The following PRKACB variants were observed in gnomAD, a reference collection of about 807,000 sequenced individuals.
PRKACB encodes protein kinase cAMP-activated catalytic subunit beta.
Under a neutral mutation model 51.4 loss-of-function variants are expected in PRKACB, and 16 were observed. The ratio of observed to expected loss-of-function variants is 0.31; its 90% CI spans 0.21 to 0.47. The LOEUF is 0.47. Among genes scored for constraint, PRKACB ranks in the 20% least tolerant of loss-of-function variants. PRKACB has a pLI of 1.00. For synonymous variants in PRKACB, 147 were observed against 154.4 expected (o/e 0.95, Z 0.35); for missense variants, 309 against 464.5 (o/e 0.67, Z 3.08).
rs895794519 is a variant in PRKACB, at chr1:84,196,881, G to A, written c.687+139G>A. 5.3e-6 allele frequency: 5 copies of A among 937,874 alleles called. No homozygotes were observed. In the African/African-American group the frequency reaches 8.5e-5, roughly 16 times the overall value. 58.1% of individuals were successfully genotyped at this position (937,874 alleles called of 1,614,324 possible). ...TTTAAGTAGAGCTCAGAGTTTTGCT[G>A]CTATTACAGAGAAGCAAAAATCCTG... is the stretch of plus-strand genomic sequence containing the variant. On this transcript the variant is annotated intron_variant, in intron 6 of 9. Transcript: ENST00000370685.
At chr1:84,165,156 T>G in intron 1 of PRKACB, 1 of 624,428 alleles carries the variant, frequency 1.6e-6, no homozygotes, top group Non-Finnish European at 2.5e-6. Context: ...TTAGGCATTA[T>G]AGTAAATTGC....
chr1:84,194,956 A>T (rs776777968), intron 5 of PRKACB, among the ~76,000 whole-genome samples: 2 of 152,174 alleles, frequency 1.3e-5, no homozygotes, highest in Non-Finnish European at 2.9e-5. Context: ...TATGTAATGT[A>T]TGTGTTCCTC....
intron 1 of PRKACB, among the ~76,000 whole-genome samples, chr1:84,117,542 T>C (rs1650731083): frequency 6.6e-6 from 1 of 152,172 alleles, no homozygotes; most frequent in Non-Finnish European, 1.5e-5. Flanking sequence ...AGTTGTATGT[T>C]TCCAGGAATT....
chr1:84,196,833 A>G, intron 6 of PRKACB, 91 bp downstream of exon 6: 1 of 1,331,026 alleles, frequency 7.5e-7, no homozygotes, highest in South Asian at 1.5e-5. Context: ...ATTTTTTTTG[A>G]AGAAGACACT....
chr1:84,171,126 A>G (rs1659332182), intron 1 of PRKACB, among the ~76,000 whole-genome samples: 2 of 151,556 alleles, frequency 1.3e-5, no homozygotes, highest in Admixed American at 1.3e-4. Flanking sequence ...CAAATAATTA[A>G]CTCGTAAATT....
At chr1:84,152,589 C>T (rs1330766445) in intron 1 of PRKACB, among the ~76,000 whole-genome samples, 1 of 152,150 alleles carries the variant, frequency 6.6e-6, no homozygotes, top group East Asian at 1.9e-4. Flanking sequence ...TGCTGCTTCA[C>T]CTTGTACTTT....
At chr1:84,084,671 T>C (rs915257719) in intron 1 of PRKACB, among the ~76,000 whole-genome samples, 2 of 152,120 alleles carry the variant, frequency 1.3e-5, no homozygotes, top group Non-Finnish European at 2.9e-5. Context: ...TTGTACTGAT[T>C]GCATGTGGGA....
chr1:84,110,039 C>T (rs911859024), intron 1 of PRKACB, among the ~76,000 whole-genome samples: 9 of 151,844 alleles, frequency 5.9e-5, no homozygotes, highest in Non-Finnish European at 1.0e-4. Context: ...CTGTTCTTCC[C>T]CAAAGTGCAT....
At chr1:84,197,614 T>G in intron 6 of PRKACB, 115 bp from the exon 7 acceptor site, 1 of 652,516 alleles carries the variant, frequency 1.5e-6, no homozygotes, top group Non-Finnish European at 2.5e-6. Flanking sequence ...GACTTAATTT[T>G]TTTTCCATTT....
chr1:84,097,586 C>T (rs574100552), intron 1 of PRKACB, among the ~76,000 whole-genome samples: 3 of 152,054 alleles, frequency 2.0e-5, no homozygotes, highest in South Asian at 2.1e-4. Context: ...GAAATTGACT[C>T]ATGATTATGG....
intron 1 of PRKACB, among the ~76,000 whole-genome samples, chr1:84,084,649 G>A (rs951011903): frequency 6.6e-6 from 1 of 152,144 alleles, no homozygotes; most frequent in African/African-American, 2.4e-5. Context: ...TTGAAAAATT[G>A]AGCAGAATGT....
intron 1 of PRKACB, among the ~76,000 whole-genome samples, chr1:84,126,093 G>T: frequency 7.0e-6 from 1 of 142,124 alleles, no homozygotes; most frequent in Admixed American, 6.9e-5. Context: ...TGGGGGGGAG[G>T]GGAGGGGAAC....
chr1:84,155,401 A>T (rs1374622239), intron 1 of PRKACB, among the ~76,000 whole-genome samples: 1 of 152,186 alleles, frequency 6.6e-6, no homozygotes, highest in African/African-American at 2.4e-5. Flanking sequence ...TCTAATGTTT[A>T]TGGATCTGAA....
chr1:84,102,206 T>TAAA (rs879554698), intron 1 of PRKACB, among the ~76,000 whole-genome samples: 1 of 134,906 alleles, frequency 7.4e-6, no homozygotes, highest in Non-Finnish European at 1.6e-5. Flanking sequence ...CCATCTCTAC[T>TAAA]AAAAAAAAAA....
At chr1:84,184,201 A>G in intron 4 of PRKACB, 66 bp downstream of exon 4, 1 of 1,370,790 alleles carries the variant, frequency 7.3e-7, no homozygotes, top group Non-Finnish European at 1.0e-6. Context: ...GAAACTATAA[A>G]TGGATTCTAA....
chr1:84,197,642 T>C (rs1024759289), intron 6 of PRKACB, 87 bp from the exon 7 acceptor site: 4 of 860,516 alleles, frequency 4.6e-6, no homozygotes, highest in Admixed American at 2.8e-5. Context: ...AGTTTCAATT[T>C]GAATTTTAAA....
intron 2 of PRKACB, 145 bp downstream of exon 2, chr1:84,179,383 T>TTA: frequency 5.9e-6 from 6 of 1,023,552 alleles, no homozygotes; most frequent in Non-Finnish European, 8.0e-6. Flanking sequence ...TTTGCCATAG[T>TTA]TATACTTTGA....
chr1:84,165,623 C>A (rs1558066155), intron 1 of PRKACB, among the ~76,000 whole-genome samples: 1 of 151,668 alleles, frequency 6.6e-6, no homozygotes, highest in African/African-American at 2.4e-5. Flanking sequence ...ACACTTGTGA[C>A]AACTAGTCTT....
At chr1:84,115,937 T>A (rs1486960358) in intron 1 of PRKACB, among the ~76,000 whole-genome samples, 6 of 142,790 alleles carry the variant, frequency 4.2e-5, no homozygotes, top group Non-Finnish European at 7.5e-5. Context: ...CCTAGAGCAA[T>A]GTCCAGGAGA....
Sources: allele counts gnomAD v4.1 joint callset (sites outside exome capture counted in the v4.1 genomes callset), GRCh38; gene constraint gnomAD v4.1.1; transcripts MANE v1.5; gene names NCBI Gene and HGNC (gene_info 2026-07-23, HGNC 2026-07-21).